PRLR: variants seen among roughly 807,000 people sequenced by gnomAD.
The protein encoded by PRLR is prolactin receptor.
PRLR carries 13 observed loss-of-function variants against 40.2 expected under a neutral mutation model. The observed-to-expected ratio is 0.32, with a 90% CI of 0.21 to 0.51. The LOEUF (loss-of-function observed/expected upper bound fraction) is 0.51. Among genes scored for constraint, PRLR ranks in the 20% least tolerant of loss-of-function variants. The pLI is 0.97. For missense variants in PRLR, 656 were observed against 747.3 expected (o/e 0.88, Z 1.42); for synonymous variants, 269 against 278.7 (o/e 0.97, Z 0.35).
chr5:35,065,008 C>A lies in PRLR; in HGVS notation c.*81G>T. The A allele has an allele frequency of 6.8e-7, 1 of 1,463,770 alleles. No individual in the cohort carries two copies. Among genetic ancestry groups the A allele is most frequent in the Non-Finnish European group, 9.2e-7 (1 of 1,082,818 alleles). The allele number at this position is 1,463,770 out of a possible 1,614,324, so 90.7% of individuals were successfully genotyped here. A position where few individuals can be genotyped will look rare whatever the true frequency, so the allele number is the denominator to read the frequency against. ...AGCTTTAGTAGTGTCAGTCTGACTA[C>A]ATTCTTGAGCATTTCACGTACTCTG... On this transcript the variant is annotated 3_prime_UTR_variant, in exon 10 of 10. Transcript: ENST00000618457.
rs1182064691 is a variant in PRLR, at chr5:35,063,317, G to A, written c.*1772C>T. On this transcript the variant is annotated 3_prime_UTR_variant, in exon 10 of 10. Coordinates refer to ENST00000618457, the MANE Select transcript of PRLR (RefSeq NM_000949.7). ...CTCTGAGTCCAGTTGCTATCAATAT[G>A]GGATAGTTGGGGTGGAATATTTAAC... 3.3e-5 allele frequency: 5 copies of A among 152,158 alleles called. No homozygotes were observed. Among genetic ancestry groups the A allele is most frequent in the Admixed American group, 3.3e-4 (5 of 15,272 alleles). The allele number at this position is 152,158 out of a possible 1,614,324, so 9.4% of individuals were successfully genotyped here.
At chr5:35,136,851 G>A (rs1773872841) in intron 1 of PRLR, among the ~76,000 whole-genome samples, 3 of 152,008 alleles carry the variant, frequency 2.0e-5, no homozygotes, top group African/African-American at 7.3e-5. Flanking sequence ...TTCTGGGTTG[G>A]GGTCTGACAT....
rs919184675 is a variant in PRLR, at chr5:35,065,950, T to C, written c.1008A>G (p.Gln336=). ...MSVHSKEHPS[Q]GMKPTYLDPD... The stretch of plus-strand genomic sequence containing the variant: ...GATCCAGGTATGTGGGTTTCATACC[T>C]TGACTTGGGTGTTCTTTTGAATGGA... Residue 336 remains glutamine, a synonymous_variant, in exon 10 of 10, where the codon CAA becomes CAG. Transcript: ENST00000618457. The C allele has an allele frequency of 6.2e-7, 1 of 1,614,062 alleles. No individual in the cohort carries two copies. Among genetic ancestry groups the C allele is most frequent in the Non-Finnish European group, 8.5e-7 (1 of 1,180,030 alleles).
intron 2 of PRLR, among the ~76,000 whole-genome samples, chr5:35,090,152 G>T (rs1401088914): frequency 6.6e-6 from 1 of 152,150 alleles, no homozygotes; most frequent in Non-Finnish European, 1.5e-5. Flanking sequence ...GGCTTTGAAG[G>T]TTCAAGCTGA....
At chr5:35,160,821 A>C (rs571816083) in intron 1 of PRLR, among the ~76,000 whole-genome samples, 1 of 152,264 alleles carries the variant, frequency 6.6e-6, no homozygotes, top group South Asian at 2.1e-4. Context: ...CTCCGCTTCA[A>C]CCAATCAGTG....
intron 1 of PRLR, among the ~76,000 whole-genome samples, chr5:35,204,125 C>T (rs1030177593): frequency 1.7e-4 from 25 of 151,232 alleles, no homozygotes; most frequent in African/African-American, 5.8e-4. Flanking sequence ...ATTTCAAAGG[C>T]TAATTGTGTG....
intron 9 of PRLR, 37 bp from the exon 10 acceptor site, chr5:35,066,139 G>A (rs1241416276): frequency 1.3e-6 from 2 of 1,565,276 alleles, no homozygotes; most frequent in Non-Finnish European, 1.7e-6. Flanking sequence ...ATGGCTGTTA[G>A]CTTCATAACA....
At position 35,065,742 on chromosome 5, in the gene PRLR, A is replaced by G; in HGVS notation, c.1216T>C (p.Phe406Leu). Reference protein sequence around the residue: ...CISMEGKIPYFHAGGSKCSTW... With the variant: ...CISMEGKIPYLHAGGSKCSTW... ...GAACATTTGGATCCACCAGCATGAA[A>G]ATAGGGGATTTTGCCTTCCATGCTT... Residue 406 changes from phenylalanine to leucine, a missense_variant, in exon 10 of 10, where the codon TTT becomes CTT. Phe to Leu is a conservative substitution (Grantham distance 22). Coordinates refer to ENST00000618457, the MANE Select transcript of PRLR (RefSeq NM_000949.7). 5.6e-6 allele frequency: 9 copies of G among 1,614,072 alleles called. No homozygotes were observed. The highest frequency in any genetic ancestry group is 6.8e-6 in the Non-Finnish European group (8 of 1,180,012).
chr5:35,154,528 T>C (rs1368154879), intron 1 of PRLR, among the ~76,000 whole-genome samples: 1 of 152,150 alleles, frequency 6.6e-6, no homozygotes, highest in Non-Finnish European at 1.5e-5. Flanking sequence ...GGAAGGCTTT[T>C]ATGCTGTTGG....
intron 4 of PRLR, among the ~76,000 whole-genome samples, chr5:35,085,735 A>T (rs528623278): frequency 6.6e-6 from 1 of 152,364 alleles, no homozygotes; most frequent in African/African-American, 2.4e-5. Flanking sequence ...TACAAATGGC[A>T]TAAGAATTAT....
chr5:35,199,591 AAT>A (rs1491332568), intron 1 of PRLR, among the ~76,000 whole-genome samples: 1 of 44,064 alleles, frequency 2.3e-5, no homozygotes, highest in South Asian at 6.3e-4. Flanking sequence ...TTGAAAAAAA[AAT>A]CATCATCTAA....
At chr5:35,192,323 C>T (rs1452772568) in intron 1 of PRLR, among the ~76,000 whole-genome samples, 2 of 152,166 alleles carry the variant, frequency 1.3e-5, no homozygotes, top group Non-Finnish European at 2.9e-5. Flanking sequence ...TTCAGGGCTC[C>T]TTGTGAATGA....
rs16872312 is a variant in PRLR, at chr5:35,143,324, T to C, written c.-105-25202A>G. 5.1e-3 allele frequency among the ~76,000 whole-genome samples: 784 copies of C among 152,340 alleles called. 6 individuals are homozygous for C. Among genetic ancestry groups the C allele is most frequent in the African/African-American group, 0.018 (734 of 41,582 alleles). On this transcript the variant is annotated intron_variant, in intron 1 of 9. Transcript: ENST00000618457. ...TTACAAAAATGGTTCTAAAACTTTA[T>C]GAAAATAGACCACTGGCTGTATTTT...
In PRLR at chr5:35,086,219, G is replaced by C; in HGVS notation, c.192C>G (p.Tyr64Ter). The C allele has an allele frequency of 6.2e-7, 1 of 1,613,924 alleles. No homozygotes were observed. Among genetic ancestry groups the C allele is most frequent in the Non-Finnish European group, 8.5e-7 (1 of 1,179,902 alleles). The change falls in exon 4 of 10, where the codon TAC (tyrosine) becomes TAG (stop). Residue 64 changes from tyrosine to a stop codon, truncating the protein, a stop_gained. Coordinates refer to ENST00000618457, the MANE Select transcript of PRLR (RefSeq NM_000949.7). LOFTEE classifies it high-confidence loss of function. ...AGGGAACTTCTTACCCTTCCCTGTG[G>C]TAAGTCAGTGAATAATTGGTAGGAA... ...GGLPTNYSLT[Y>*]HREGETLMHE...
chr5:35,210,736 G>T (rs1011298372), intron 1 of PRLR, among the ~76,000 whole-genome samples: 6 of 151,852 alleles, frequency 4.0e-5, no homozygotes, highest in Non-Finnish European at 7.4e-5. Context: ...TTTGAGACAG[G>T]TCTAACTCTG....
At chr5:35,226,552 T>C (rs1776558032) in intron 1 of PRLR, among the ~76,000 whole-genome samples, 1 of 152,240 alleles carries the variant, frequency 6.6e-6, no homozygotes, top group South Asian at 2.1e-4. Context: ...CTTTAAGCTT[T>C]ACTGCTTCAT....
At chr5:35,138,964 G>C (rs1327377030) in intron 1 of PRLR, among the ~76,000 whole-genome samples, 1 of 152,112 alleles carries the variant, frequency 6.6e-6, no homozygotes, top group African/African-American at 2.4e-5. Flanking sequence ...TGAGGGGTAG[G>C]AGAAAGGACA....
At chr5:35,165,054 T>G (rs1038507657) in intron 1 of PRLR, among the ~76,000 whole-genome samples, 2 of 152,206 alleles carry the variant, frequency 1.3e-5, no homozygotes, top group African/African-American at 4.8e-5. Context: ...TTATTAAAGT[T>G]TTATAACTGC....
chr5:35,078,765 C>T (rs1367860829), intron 5 of PRLR, among the ~76,000 whole-genome samples: 1 of 152,148 alleles, frequency 6.6e-6, no homozygotes, highest in African/African-American at 2.4e-5. Flanking sequence ...AAAAAGAGAA[C>T]TTTAGACCAA....
Sources: allele counts gnomAD v4.1 joint callset (sites outside exome capture counted in the v4.1 genomes callset), GRCh38; gene constraint gnomAD v4.1.1; transcripts MANE v1.5; gene names NCBI Gene and HGNC (gene_info 2026-07-23, HGNC 2026-07-21).